CACNB2: variants seen among roughly 807,000 people sequenced by gnomAD.
CACNB2 encodes the protein calcium voltage-gated channel auxiliary subunit beta 2.
Under a neutral mutation model 73.3 loss-of-function variants are expected in CACNB2, and 42 were observed. The ratio of observed to expected loss-of-function variants is 0.57; its 90% CI spans 0.45 to 0.74. The LOEUF is 0.74. Among genes scored for constraint, CACNB2 ranks in the 30% least tolerant of loss-of-function variants. The pLI, the probability that CACNB2 is intolerant of heterozygous loss-of-function variation, is 0.00. For synonymous variants in CACNB2, 348 were observed against 310.3 expected, an observed-to-expected ratio of 1.12 and a Z score of -1.28; for missense variants, 940 against 853.0, an observed-to-expected ratio of 1.10 and a Z score of -1.27.
intron 2 of CACNB2, among the ~76,000 whole-genome samples, chr10:18,324,043 C>A (rs771178192): frequency 1.3e-5 from 2 of 152,150 alleles, no homozygotes; most frequent in South Asian, 4.1e-4. Flanking sequence ...TCTAACTGAT[C>A]ATACGAATGA....
intron 2 of CACNB2, among the ~76,000 whole-genome samples, chr10:18,308,912 T>G (rs1378775275): frequency 1.3e-5 from 2 of 152,150 alleles, no homozygotes; most frequent in East Asian, 3.9e-4. Context: ...ATGAAGCACT[T>G]GCAAAAAATG....
intron 2 of CACNB2, among the ~76,000 whole-genome samples, chr10:18,288,119 A>T (rs1169280243): frequency 6.6e-6 from 1 of 152,080 alleles, no homozygotes; most frequent in African/African-American, 2.4e-5. Flanking sequence ...CACCCTAGTG[A>T]CCTCATTTGA....
intron 2 of CACNB2, among the ~76,000 whole-genome samples, chr10:18,284,681 C>T (rs1193578105): frequency 1.3e-5 from 2 of 152,148 alleles, no homozygotes. Flanking sequence ...CAACCCACTT[C>T]CTAGAGCCAG....
intron 2 of CACNB2, among the ~76,000 whole-genome samples, chr10:18,366,822 G>A (rs919512205): frequency 1.3e-5 from 2 of 152,090 alleles, no homozygotes; most frequent in East Asian, 1.9e-4. Flanking sequence ...GGCTGTTTAT[G>A]GAATTTTCAG....
intron 3 of CACNB2, among the ~76,000 whole-genome samples, chr10:18,421,228 ATTT>A (rs11333043): frequency 1.3e-5 from 2 of 150,312 alleles, no homozygotes; most frequent in Admixed American, 6.6e-5. Context: ...TGAAATACAT[ATTT>A]TTTTTTTTTG....
Position 18,506,558 on chromosome 10 carries a change from G to T in CACNB2, c.670+11G>T. ...CACCTCCATCATCTGGTAAGTAGGT[G>T]ATAAATGCTGAATAATACATACTGC... is the stretch of plus-strand genomic sequence containing the variant. On this transcript the variant is annotated intron_variant, in intron 6 of 13. Transcript: ENST00000324631. 2 of 1,512,694 alleles carry T rather than the reference G, an allele frequency of 1.3e-6. No individual in the cohort carries two copies. Among genetic ancestry groups the T allele is most frequent in the African/African-American group, 1.4e-5 (1 of 72,992 alleles). The allele number at this position is 1,512,694 out of a possible 1,614,324, so 93.7% of individuals were successfully genotyped here. A position where few individuals can be genotyped will look rare whatever the true frequency, so the allele number is the denominator to read the frequency against.
chr10:18,182,844 C>A (rs889842931), intron 2 of CACNB2, among the ~76,000 whole-genome samples: 2 of 151,604 alleles, frequency 1.3e-5, no homozygotes, highest in African/African-American at 4.8e-5. Context: ...AACAAAAACC[C>A]ATAATTTCCT....
intron 2 of CACNB2, among the ~76,000 whole-genome samples, chr10:18,174,273 CCT>C (rs1173950631): frequency 3.8e-5 from 5 of 132,000 alleles, no homozygotes; most frequent in African/African-American, 5.5e-5. Flanking sequence ...CCTCCCTCTC[CCT>C]CTCTCTCTTT....
chr10:18,160,815 CTGGAATCTTCACATT>C (rs2032402070), intron 2 of CACNB2, among the ~76,000 whole-genome samples: 1 of 152,146 alleles, frequency 6.6e-6, no homozygotes, highest in South Asian at 2.1e-4. Context: ...TGTTTTGTTT[CTGGAATCTTCACATT>C]TGATGATTAT....
intron 3 of CACNB2, among the ~76,000 whole-genome samples, chr10:18,433,492 T>C (rs2045987526): frequency 6.6e-6 from 1 of 152,174 alleles, no homozygotes; most frequent in South Asian, 2.1e-4. Flanking sequence ...AAATAGCTGA[T>C]GTTTCTGCAA....
At chr10:18,322,951 G>A (rs955112195) in intron 2 of CACNB2, among the ~76,000 whole-genome samples, 2 of 147,798 alleles carry the variant, frequency 1.4e-5, no homozygotes, top group African/African-American at 4.9e-5. Context: ...AACTTTTATG[G>A]TGATATTCTT....
chr10:18,214,907 G>A (rs1040382180), intron 2 of CACNB2, among the ~76,000 whole-genome samples: 2 of 152,148 alleles, frequency 1.3e-5, no homozygotes, highest in African/African-American at 2.4e-5. Context: ...GTCCACGCCA[G>A]GGATTTTTTG....
chr10:18,461,078 C>T (rs752513917), intron 3 of CACNB2, among the ~76,000 whole-genome samples: 11 of 152,086 alleles, frequency 7.2e-5, no homozygotes, highest in East Asian at 5.8e-4. Flanking sequence ...TACAGTCATG[C>T]GCCACCACGC....
chr10:18,163,835 G>A (rs891619873), intron 2 of CACNB2, among the ~76,000 whole-genome samples: 1 of 152,124 alleles, frequency 6.6e-6, no homozygotes, highest in Non-Finnish European at 1.5e-5. Context: ...CCCCAGAGCA[G>A]GGTTATTAAG....
intron 2 of CACNB2, among the ~76,000 whole-genome samples, chr10:18,187,253 G>A (rs2034195689): frequency 6.6e-6 from 1 of 152,152 alleles, no homozygotes; most frequent in Non-Finnish European, 1.5e-5. Context: ...TGGCAGCTAG[G>A]AGAACCTCAC....
intron 9 of CACNB2, among the ~76,000 whole-genome samples, chr10:18,523,262 C>T (rs1001926924): frequency 1.3e-5 from 2 of 152,166 alleles, no homozygotes; most frequent in South Asian, 4.1e-4. Context: ...CTGTGTTTTC[C>T]ATGCCTGAGT....
chr10:18,331,660 C>T (rs566856360), intron 2 of CACNB2, among the ~76,000 whole-genome samples: 1 of 152,120 alleles, frequency 6.6e-6, no homozygotes, highest in South Asian at 2.1e-4. Flanking sequence ...CACTAGCCTC[C>T]CTCTAGGTGA....
intron 2 of CACNB2, among the ~76,000 whole-genome samples, chr10:18,276,695 C>A (rs866929218): frequency 2.6e-5 from 4 of 152,280 alleles, no homozygotes; most frequent in Non-Finnish European, 2.9e-5. Flanking sequence ...TATCCTGCCG[C>A]AGCCTCCCAA....
At chr10:18,534,716 C>CTT in intron 11 of CACNB2, among the ~76,000 whole-genome samples, 1 of 152,170 alleles carries the variant, frequency 6.6e-6, no homozygotes, top group East Asian at 1.9e-4. Flanking sequence ...TAAATCTTGA[C>CTT]TTTTAATATT....
Sources: gnomAD v4.1 joint callset for allele counts (sites outside exome capture counted in the v4.1 genomes callset) on GRCh38, gnomAD v4.1.1 for gene constraint, MANE v1.5 for transcripts, NCBI Gene and HGNC (gene_info 2026-07-23, HGNC 2026-07-21) for gene names.